The following PPP3CC variants were observed in gnomAD, a reference collection of about 807,000 sequenced individuals.
PPP3CC encodes serine/threonine-protein phosphatase 2B catalytic subunit gamma isoform.
A neutral mutation model predicts 60.3 loss-of-function variants in PPP3CC; 35 were observed. The ratio of observed to expected loss-of-function variants is 0.58; its 90% CI spans 0.44 to 0.77. The LOEUF is 0.77. PPP3CC is among the 30% of genes least tolerant of loss of function. PPP3CC has a pLI of 0.00. For synonymous variants in PPP3CC, 206 were observed against 224.3 expected (o/e 0.92, Z 0.73); for missense variants, 570 against 628.9 (o/e 0.91, Z 1.00).
intron 1 of PPP3CC, among the ~76,000 whole-genome samples, chr8:22,469,043 T>A (rs186448247): frequency 6.6e-6 from 1 of 152,292 alleles, no homozygotes; most frequent in East Asian, 1.9e-4. Flanking sequence ...ACATGTTTAT[T>A]GCAGTACTAT....
intron 3 of PPP3CC, among the ~76,000 whole-genome samples, chr8:22,485,865 G>T (rs1052308763): frequency 6.6e-6 from 1 of 152,204 alleles, no homozygotes; most frequent in African/African-American, 2.4e-5. Flanking sequence ...CACTAGTAAG[G>T]TTCTGGAGAG....
chr8:22,492,132 C>T (rs930387793), intron 3 of PPP3CC, among the ~76,000 whole-genome samples: 1 of 151,978 alleles, frequency 6.6e-6, no homozygotes. Context: ...CCTGTTGCTC[C>T]CAGGCTACAA....
chr8:22,480,747 A>G (rs1374809790), intron 3 of PPP3CC, among the ~76,000 whole-genome samples: 2 of 152,082 alleles, frequency 1.3e-5, no homozygotes, highest in African/African-American at 4.8e-5. Flanking sequence ...CCAAAGTGCC[A>G]GGATTACAGG....
intron 1 of PPP3CC, among the ~76,000 whole-genome samples, chr8:22,445,129 A>G (rs1033454753): frequency 2.0e-5 from 3 of 152,232 alleles, no homozygotes; most frequent in Admixed American, 2.0e-4. Context: ...TTGTGTATTC[A>G]CAGAGTACTG....
chr8:22,513,225 A>G (rs1030949284), intron 5 of PPP3CC, 68 bp from the exon 6 acceptor site: 17 of 1,499,810 alleles, frequency 1.1e-5, no homozygotes, highest in Non-Finnish European at 1.4e-5. Context: ...TTTCTTTGAC[A>G]CATACTAGTT....
rs185006183 is a variant in PPP3CC, at chr8:22,518,747, C to T, written c.771-3744C>T. Reference sequence around the variant, plus strand: ...TGTCGCCCAGGCTGGAGTATAGTGGCGCGACCTCGGCTCACTGCAACCTCC... The same window carrying T: ...TGTCGCCCAGGCTGGAGTATAGTGGTGCGACCTCGGCTCACTGCAACCTCC... On this transcript the variant is annotated intron_variant, in intron 6 of 13. Coordinates refer to ENST00000240139, the MANE Select transcript of PPP3CC (RefSeq NM_005605.5). Among the ~76,000 whole-genome samples, 1,458 of 152,134 alleles carry T rather than the reference C, an allele frequency of 9.6e-3. 15 individuals carry two copies. Among genetic ancestry groups the T allele is most frequent in the South Asian group, 0.031 (151 of 4,806 alleles).
At position 22,522,530 on chromosome 8, in the gene PPP3CC, A is replaced by G. The variant is rs1313885552; in HGVS notation, c.810A>G (p.Leu270=). 2 of 1,612,526 alleles carry G rather than the reference A, an allele frequency of 1.2e-6. No homozygotes were observed. The highest frequency in any genetic ancestry group is 1.7e-6 in the Non-Finnish European group (2 of 1,179,274). ...AVCEFLQNNN[L]LSIIRAHEAQ... is the part of the protein sequence containing the mutation. ...GTGAATTTTTGCAGAACAATAATTT[A>G]CTATCAATTATCAGAGCCCATGAAG... Residue 270 remains leucine (L), a synonymous_variant, in exon 7 of 14, where the codon TTA becomes TTG. Coordinates refer to ENST00000240139, the MANE Select transcript of PPP3CC (RefSeq NM_005605.5).
chr8:22,503,570 T>C (rs1209425430), intron 4 of PPP3CC, among the ~76,000 whole-genome samples: 1 of 152,162 alleles, frequency 6.6e-6, no homozygotes, highest in African/African-American at 2.4e-5. Context: ...GGTGTATCTA[T>C]TTATGGAATA....
intron 10 of PPP3CC, among the ~76,000 whole-genome samples, chr8:22,531,609 T>A (rs1048215152): frequency 5.9e-5 from 9 of 152,226 alleles, no homozygotes; most frequent in African/African-American, 2.2e-4. Flanking sequence ...ATTTTCAGAA[T>A]CTTAGATAAG....
At chr8:22,450,972 C>A (rs1324355751) in intron 1 of PPP3CC, among the ~76,000 whole-genome samples, 1 of 148,596 alleles carries the variant, frequency 6.7e-6, no homozygotes, top group Non-Finnish European at 1.5e-5. Context: ...GTAGCTGGGA[C>A]TACAGCCACG....
chr8:22,540,564 TG>T (rs1184959917), intron 13 of PPP3CC, 50 bp from the exon 14 acceptor site: 1 of 1,548,574 alleles, frequency 6.5e-7, no homozygotes. Context: ...TTAAGCCTGT[TG>T]CTTTGCTGCC....
intron 10 of PPP3CC, among the ~76,000 whole-genome samples, chr8:22,530,829 C>CAAACAAAAA (rs1839691242): frequency 1.2e-4 from 7 of 58,034 alleles, no homozygotes; most frequent in African/African-American, 3.1e-4. Context: ...AGACTCATCT[C>CAAACAAAAA]AAAAAAAAAA....
chr8:22,539,938 T>C (rs535979831), intron 13 of PPP3CC, among the ~76,000 whole-genome samples: 1 of 152,354 alleles, frequency 6.6e-6, no homozygotes, highest in Admixed American at 6.5e-5. Flanking sequence ...TGCCCTAAGG[T>C]AGGCAAGTTA....
chr8:22,453,684 C>T (rs1447075186), intron 1 of PPP3CC, among the ~76,000 whole-genome samples: 1 of 152,144 alleles, frequency 6.6e-6, no homozygotes, highest in African/African-American at 2.4e-5. Context: ...TATCTACAAA[C>T]GTAGATGTTA....
rs978612703 is a variant in PPP3CC at position 22,441,265 on chromosome 8, G to C, written c.-145G>C. 2 of 711,500 alleles carry C rather than the reference G, an allele frequency of 2.8e-6. No homozygotes were observed. Among genetic ancestry groups the C allele is most frequent in the African/African-American group, 1.9e-5 (1 of 52,446 alleles). The allele number at this position is 711,500 out of a possible 1,614,324, so 44.1% of individuals were successfully genotyped here. On this transcript the variant is annotated 5_prime_UTR_variant, in exon 1 of 14. Transcript: ENST00000240139. ...GCGCTGCGGTGGCCGCGCCCTTCTG[G>C]TGCTCGGACACCGCTGAGGAGCCGG...
intron 1 of PPP3CC, among the ~76,000 whole-genome samples, chr8:22,470,077 C>CAT (rs1554530756): frequency 9.2e-5 from 14 of 151,642 alleles, no homozygotes; most frequent in African/African-American, 3.4e-4. Context: ...CACACACACA[C>CAT]ACACACACAT....
chr8:22,533,519 A>G (rs1381995557), intron 12 of PPP3CC, among the ~76,000 whole-genome samples: 1 of 152,232 alleles, frequency 6.6e-6, no homozygotes, highest in Non-Finnish European at 1.5e-5. Context: ...CACTTCACAA[A>G]TGAGGATATC....
chr8:22,519,010 T>A (rs951731705), intron 6 of PPP3CC, among the ~76,000 whole-genome samples: 2 of 152,162 alleles, frequency 1.3e-5, no homozygotes, highest in African/African-American at 4.8e-5. Flanking sequence ...TTTATTACTG[T>A]CAATGTTTGC....
At chr8:22,462,378 AT>A (rs1837387023) in intron 1 of PPP3CC, among the ~76,000 whole-genome samples, 1 of 152,110 alleles carries the variant, frequency 6.6e-6, no homozygotes, top group African/African-American at 2.4e-5. Flanking sequence ...TTGTAGTGTA[AT>A]TTCAGTTTTG....
Sources: allele counts gnomAD v4.1 joint callset (sites outside exome capture counted in the v4.1 genomes callset), GRCh38; gene constraint gnomAD v4.1.1; transcripts MANE v1.5; gene names NCBI Gene and HGNC (gene_info 2026-07-23, HGNC 2026-07-21).